The following TMPRSS7 variants were observed in gnomAD, a reference collection of about 807,000 sequenced individuals.
TMPRSS7 encodes the protein transmembrane serine protease 7.
In TMPRSS7, 81 loss-of-function variants were observed where a neutral mutation model predicts 95.6. The observed-to-expected ratio is 0.85, with a 90% CI of 0.71 to 1.02. The LOEUF (loss-of-function observed/expected upper bound fraction) is 1.02, where lower values mean the gene tolerates loss of function less well. Ranked by LOEUF, TMPRSS7 falls within the 50% of genes least tolerant of loss-of-function variation. The pLI, the probability that TMPRSS7 is intolerant of heterozygous loss-of-function variation, is 0.00. For synonymous variants in TMPRSS7, 364 were observed against 337.8 expected (o/e 1.08, Z -0.85); for missense variants, 945 against 955.2 (o/e 0.99, Z 0.14).
chr3:112,060,439 A>G (rs1015372147), intron 10 of TMPRSS7, among the ~76,000 whole-genome samples: 10 of 152,120 alleles, frequency 6.6e-5, no homozygotes, highest in Admixed American at 2.6e-4. Flanking sequence ...TCGATCATAG[A>G]AGATGACCAC....
At position 112,054,019 on chromosome 3, in the gene TMPRSS7, T is replaced by C. The variant is rs1224518056; in HGVS notation, c.1204-3006T>C. Among the ~76,000 whole-genome samples the C allele has an allele frequency of 3.9e-5, 6 of 152,248 alleles. No homozygotes were observed. The East Asian group carries it at 1.2e-3, about 29-fold the overall frequency. On this transcript the variant is annotated intron_variant, in intron 9 of 17. Transcript: ENST00000452346. The stretch of plus-strand genomic sequence containing the variant: ...TCTGCCAGGCATAAGCATGGATTTT[T>C]ACGGGCCATGTAAGTCACCTCCTTA...
intron 3 of TMPRSS7, among the ~76,000 whole-genome samples, chr3:112,043,684 C>T (rs1342421557): frequency 1.3e-5 from 2 of 152,104 alleles, no homozygotes; most frequent in Non-Finnish European, 2.9e-5. Context: ...TTTAGAAATG[C>T]TAGGTAAGGG....
chr3:112,044,655 A>G (rs1205202692), intron 4 of TMPRSS7, among the ~76,000 whole-genome samples: 2 of 152,200 alleles, frequency 1.3e-5, no homozygotes, highest in Admixed American at 6.5e-5. Context: ...CTTAATGTTC[A>G]GTGAAAAACT....
chr3:112,080,878 C>A, intron 17 of TMPRSS7, 36 bp from the exon 18 acceptor site: 1 of 1,577,970 alleles, frequency 6.3e-7, no homozygotes, highest in South Asian at 1.2e-5. Context: ...ATCATGGGAC[C>A]AATTTACTTT....
chr3:112,068,164 G>C (rs2073599004), intron 13 of TMPRSS7, among the ~76,000 whole-genome samples: 1 of 152,176 alleles, frequency 6.6e-6, no homozygotes, highest in Admixed American at 6.5e-5. Flanking sequence ...TGAGGTCTCT[G>C]TTCTGTTCCA....
At chr3:112,046,591 G>GA (rs1223192410) in intron 5 of TMPRSS7, among the ~76,000 whole-genome samples, 1 of 152,044 alleles carries the variant, frequency 6.6e-6, no homozygotes, top group Non-Finnish European at 1.5e-5. Flanking sequence ...TTAAATAAAG[G>GA]AAAAATCTCA....
Position 112,048,073 on chromosome 3 carries a change from G to A in TMPRSS7, c.959+106G>A, listed in dbSNP as rs1461018161. On this transcript the variant is annotated intron_variant, in intron 7 of 17. Coordinates refer to ENST00000452346, the Ensembl canonical transcript of TMPRSS7. ...TTTTTTTTAAAAACAGTTTTTGTGTGCACACATGAGGTCAATGGCTGACCC... is the reference window on the plus strand; with the variant it reads ...TTTTTTTTAAAAACAGTTTTTGTGTACACACATGAGGTCAATGGCTGACCC... 5.0e-6 allele frequency: 5 copies of A among 1,006,772 alleles called. No individual in the cohort carries two copies. In the East Asian group the frequency reaches 1.2e-4, roughly 25 times the overall value. The allele number at this position is 1,006,772 out of a possible 1,614,324, so 62.4% of individuals were successfully genotyped here. A position where few individuals can be genotyped will look rare whatever the true frequency, so the allele number is the denominator to read the frequency against.
At position 112,057,107 on chromosome 3, in the gene TMPRSS7, G is replaced by A. The variant is rs146949305; in HGVS notation, c.1286G>A (p.Gly429Glu). 6.2e-5 allele frequency: 100 copies of A among 1,612,328 alleles called. No homozygotes were observed. In the African/African-American group the frequency reaches 9.6e-4, roughly 15 times the overall value. Residue 429 changes from glycine to glutamate, a missense_variant, in exon 10 of 18, where the codon GGA becomes GAA. By Grantham distance (98) the Gly-to-Glu change is moderately conservative. Transcript: ENST00000452346. ...AAGAGTATGAAAGGCTGTGAGCATG[G>A]ATGGTGGGAAATTAATGAGCACATG... is the stretch of plus-strand genomic sequence containing the variant.
intron 17 of TMPRSS7, among the ~76,000 whole-genome samples, chr3:112,079,776 G>A (rs1455420021): frequency 6.6e-6 from 1 of 152,112 alleles, no homozygotes; most frequent in Non-Finnish European, 1.5e-5. Context: ...CAAGCACCGT[G>A]CTAGGTTCTT....
chr3:112,057,095 G>T (rs373464287), exon 10 of TMPRSS7: 17 of 1,613,188 alleles, frequency 1.1e-5, no homozygotes, highest in Admixed American at 8.3e-5. Context: ...AGTATGAAAG[G>T]CTGTGAGCAT....
At chr3:112,066,572 C>T (rs73856333) in intron 13 of TMPRSS7, 70 bp downstream of exon 13, 14,439 of 1,425,496 alleles carry the variant, frequency 0.01, 482 homozygotes, top group African/African-American at 0.089. Flanking sequence ...AAAAATACCT[C>T]TGATGGGTTA....
exon 3 of TMPRSS7, chr3:112,042,001 A>C (rs776119278): frequency 6.4e-7 from 1 of 1,551,584 alleles, no homozygotes; most frequent in Non-Finnish European, 8.7e-7. Flanking sequence ...GAATACCGAC[A>C]AAAGGAGTCC....
At chr3:112,070,844 T>A (rs1388897205) in intron 13 of TMPRSS7, among the ~76,000 whole-genome samples, 2 of 152,248 alleles carry the variant, frequency 1.3e-5, no homozygotes, top group Admixed American at 6.5e-5. Context: ...TTGTTACATA[T>A]GTATACATGT....
chr3:112,073,383 C>T (rs1022940976), intron 13 of TMPRSS7, among the ~76,000 whole-genome samples: 6 of 152,146 alleles, frequency 3.9e-5, no homozygotes, highest in African/African-American at 1.4e-4. Context: ...CAGGAGCCAC[C>T]TGTAATTACG....
intron 2 of TMPRSS7, among the ~76,000 whole-genome samples, chr3:112,039,238 AC>A (rs2073181758): frequency 6.6e-6 from 1 of 152,254 alleles, no homozygotes; most frequent in South Asian, 2.1e-4. Flanking sequence ...TGTATTTGAT[AC>A]AAAATCATGC....
At chr3:112,069,004 C>T (rs1006215660) in intron 13 of TMPRSS7, among the ~76,000 whole-genome samples, 1 of 152,174 alleles carries the variant, frequency 6.6e-6, no homozygotes, top group Non-Finnish European at 1.5e-5. Flanking sequence ...TCCATCAATA[C>T]CTAGTTCATT....
intron 9 of TMPRSS7, among the ~76,000 whole-genome samples, chr3:112,053,509 C>G (rs1008394389): frequency 6.6e-6 from 1 of 152,142 alleles, no homozygotes; most frequent in Non-Finnish European, 1.5e-5. Context: ...AGTTCTTGTT[C>G]TCATGGAGCT....
chr3:112,059,551 T>G (rs183460437), intron 10 of TMPRSS7, among the ~76,000 whole-genome samples: 4 of 152,328 alleles, frequency 2.6e-5, no homozygotes, highest in Admixed American at 2.6e-4. Context: ...ACTATGAGAT[T>G]CAGATAACAT....
At chr3:112,044,419 T>A (rs886241786) in intron 4 of TMPRSS7, 97 bp downstream of exon 4, 1 of 1,055,306 alleles carries the variant, frequency 9.5e-7, no homozygotes, top group South Asian at 1.4e-5. Flanking sequence ...CCCAAGTAAC[T>A]TCTTGGAAGT....
Sources: gnomAD v4.1 joint callset for allele counts (sites outside exome capture counted in the v4.1 genomes callset) on GRCh38, gnomAD v4.1.1 for gene constraint, MANE v1.5 for transcripts, NCBI Gene and HGNC (gene_info 2026-07-23, HGNC 2026-07-21) for gene names.